The following RPS6KC1 variants were observed in gnomAD, a reference collection of about 807,000 sequenced individuals.
RPS6KC1 encodes inactive ribosomal protein S6 kinase delta-1.
In RPS6KC1, 54 loss-of-function variants were observed where a neutral mutation model predicts 103.8. The ratio of observed to expected loss-of-function variants is 0.52; its 90% CI spans 0.42 to 0.65. The LOEUF (loss-of-function observed/expected upper bound fraction) is 0.65. Ranked by LOEUF, RPS6KC1 falls within the 30% of genes least tolerant of loss-of-function variation. The pLI, the probability that RPS6KC1 is intolerant of heterozygous loss-of-function variation, is 0.00. For missense variants in RPS6KC1, 1,151 were observed against 1,253.8 expected, an observed-to-expected ratio of 0.92 and a Z score of 1.24; for synonymous variants, 439 against 438.7, an observed-to-expected ratio of 1.00 and a Z score of -0.01.
chr1:213,532,370 C>T, the RPS6KC1 span, among the ~76,000 whole-genome samples: 1 of 152,094 alleles, frequency 6.6e-6, no homozygotes, highest in Non-Finnish European at 1.5e-5. Context: ...TACGGTTTAG[C>T]CCGCACCCAG....
At chr1:213,510,619 G>GCTC in the RPS6KC1 span, among the ~76,000 whole-genome samples, 1 of 152,128 alleles carries the variant, frequency 6.6e-6, no homozygotes, top group Admixed American at 6.5e-5. Flanking sequence ...GGGTTTAGTG[G>GCTC]CTCTGTGAGT....
chr1:213,241,925 A>AG lies in RPS6KC1; in HGVS notation c.2450dup (p.Ser817ArgfsTer7). 6.2e-7 allele frequency: 1 copy of AG among 1,614,026 alleles called. No individual in the cohort carries two copies. Among genetic ancestry groups the AG allele is most frequent in the Middle Eastern group, 1.7e-4 (1 of 6,060 alleles). On this transcript the variant is annotated frameshift_variant, in exon 11 of 15. Coordinates refer to ENST00000366960, the MANE Select transcript of RPS6KC1 (RefSeq NM_012424.6). LOFTEE classifies it high-confidence loss of function. ...AGTAACTGCAAACAACACAGAAGAA[A>AG]GCTTATTCCGTATTTGTAGTCCACT... is the stretch of plus-strand genomic sequence containing the variant.
chr1:213,281,888 C>T, the RPS6KC1 span, among the ~76,000 whole-genome samples: 4 of 152,136 alleles, frequency 2.6e-5, no homozygotes, highest in East Asian at 5.8e-4. Context: ...AGCTTTCCAA[C>T]GAGTCTTTTG....
At chr1:213,621,063 G>A in the RPS6KC1 span, among the ~76,000 whole-genome samples, 1 of 152,102 alleles carries the variant, frequency 6.6e-6, no homozygotes, top group Non-Finnish European at 1.5e-5. Flanking sequence ...CCTAGCCCAG[G>A]TGCAGAGGAT....
At chr1:213,167,017 C>A (rs1039754508) in intron 6 of RPS6KC1, among the ~76,000 whole-genome samples, 1 of 152,180 alleles carries the variant, frequency 6.6e-6, no homozygotes, top group Non-Finnish European at 1.5e-5. Context: ...AGTTCCTACT[C>A]CTCTTATTTA....
At chr1:213,604,248 A>C in the RPS6KC1 span, among the ~76,000 whole-genome samples, 1 of 152,176 alleles carries the variant, frequency 6.6e-6, no homozygotes, top group Non-Finnish European at 1.5e-5. Flanking sequence ...TTCATTTTAC[A>C]AATTAGGTTG....
the RPS6KC1 span, among the ~76,000 whole-genome samples, chr1:213,340,110 T>C: frequency 1.3e-5 from 2 of 152,016 alleles, no homozygotes; most frequent in Non-Finnish European, 2.9e-5. Context: ...CTTGAACTCA[T>C]AACTTCATGA....
At chr1:213,343,824 G>GT in the RPS6KC1 span, among the ~76,000 whole-genome samples, 2 of 150,698 alleles carry the variant, frequency 1.3e-5, no homozygotes, top group Non-Finnish European at 1.5e-5. Context: ...AAATAAAAAA[G>GT]TTTTTTTTTG....
the RPS6KC1 span, among the ~76,000 whole-genome samples, chr1:213,558,498 C>T: frequency 6.6e-6 from 1 of 152,204 alleles, no homozygotes; most frequent in Non-Finnish European, 1.5e-5. Flanking sequence ...CAAAGCAACA[C>T]TGTAGCCAAT....
the RPS6KC1 span, among the ~76,000 whole-genome samples, chr1:213,422,021 A>G: frequency 1.4e-4 from 21 of 152,210 alleles, no homozygotes; most frequent in East Asian, 2.9e-3. Flanking sequence ...ATTATTTTTT[A>G]TTGTGGCAAA....
chr1:213,666,425 T>G, the RPS6KC1 span, among the ~76,000 whole-genome samples: 4 of 152,270 alleles, frequency 2.6e-5, no homozygotes, highest in Admixed American at 6.5e-5. Flanking sequence ...CCCAGACATA[T>G]TCTAATTACA....
the RPS6KC1 span, among the ~76,000 whole-genome samples, chr1:213,454,148 G>A: frequency 2.8e-5 from 2 of 71,756 alleles, no homozygotes; most frequent in African/African-American, 1.1e-4. Context: ...TTGACCACAT[G>A]GGGGGGGTCA....
the RPS6KC1 span, among the ~76,000 whole-genome samples, chr1:213,762,372 C>A: frequency 6.6e-6 from 1 of 152,166 alleles, no homozygotes; most frequent in African/African-American, 2.4e-5. Context: ...GGAAACACAT[C>A]TTTACTTCAC....
chr1:213,137,104 TG>T (rs750252674), intron 6 of RPS6KC1, among the ~76,000 whole-genome samples: 99 of 152,248 alleles, frequency 6.5e-4, no homozygotes, highest in Non-Finnish European at 4.0e-4. Flanking sequence ...TGGATGATGA[TG>T]GGGAATGGGT....
the RPS6KC1 span, among the ~76,000 whole-genome samples, chr1:213,407,613 C>G: frequency 1.3e-5 from 2 of 152,334 alleles, no homozygotes; most frequent in African/African-American, 4.8e-5. Flanking sequence ...GATTATTTGA[C>G]TACTTAAGAT....
At chr1:213,232,831 A>T (rs572791344) in intron 10 of RPS6KC1, among the ~76,000 whole-genome samples, 1 of 152,326 alleles carries the variant, frequency 6.6e-6, no homozygotes, top group East Asian at 1.9e-4. Flanking sequence ...CAGGTGGCAA[A>T]AAATATAATG....
At chr1:213,344,540 C>CT in the RPS6KC1 span, among the ~76,000 whole-genome samples, 959 of 146,194 alleles carry the variant, frequency 6.6e-3, 4 homozygotes, top group South Asian at 0.015. Flanking sequence ...ACTTATTGTG[C>CT]TTTTTTTTTT....
chr1:213,751,658 G>C, the RPS6KC1 span, among the ~76,000 whole-genome samples: 2 of 152,204 alleles, frequency 1.3e-5, no homozygotes, highest in African/African-American at 4.8e-5. Context: ...GGAAGGGAGA[G>C]AGAACTGCCT....
chr1:213,146,931 G>C (rs1250245020), intron 6 of RPS6KC1, among the ~76,000 whole-genome samples: 1 of 152,032 alleles, frequency 6.6e-6, no homozygotes, highest in Non-Finnish European at 1.5e-5. Flanking sequence ...GTTTTGATTT[G>C]CATTTCTCTG....
Sources: allele counts gnomAD v4.1 joint callset (sites outside exome capture counted in the v4.1 genomes callset), GRCh38; gene constraint gnomAD v4.1.1; transcripts MANE v1.5; gene names NCBI Gene and HGNC (gene_info 2026-07-23, HGNC 2026-07-21).